The following CSMD1 variants were observed in gnomAD, a reference collection of about 807,000 sequenced individuals.
CSMD1 encodes the protein CUB and Sushi multiple domains 1.
Under a neutral mutation model 417.5 loss-of-function variants are expected in CSMD1, and 213 were observed. The observed-to-expected ratio is 0.51, with a 90% CI of 0.46 to 0.57. The LOEUF (loss-of-function observed/expected upper bound fraction) is 0.57, where lower values mean the gene tolerates loss of function less well. CSMD1 is among the 20% of genes least tolerant of loss of function. The pLI, the probability that CSMD1 is intolerant of heterozygous loss-of-function variation, is 0.00. For synonymous variants in CSMD1, 2,862 were observed against 1,736.8 expected (o/e 1.65, Z -16.11); for missense variants, 6,923 against 4,529.7 (o/e 1.53, Z -15.17).
chr8:3,549,968 T>A (rs1421176127), intron 10 of CSMD1, among the ~76,000 whole-genome samples: 1 of 152,344 alleles, frequency 6.6e-6, no homozygotes, highest in Non-Finnish European at 1.5e-5. Context: ...ATCTTGGATC[T>A]AGACATAAAG....
rs571364947 is a variant in CSMD1, at chr8:4,931,888, G to T, written c.85+62444C>A. Among the ~76,000 whole-genome samples, 17 of 152,246 alleles carry T rather than the reference G, an allele frequency of 1.1e-4. No individual in the cohort carries two copies. In the East Asian group the frequency reaches 2.9e-3, roughly 26 times the overall value. On this transcript the variant is annotated intron_variant, in intron 1 of 69. Transcript: ENST00000635120. ...TTCAAAGTTTATTGATTGTTATATGGAGATATGTACTTTAGAAATGTCCCT... is the reference window on the plus strand; with the variant it reads ...TTCAAAGTTTATTGATTGTTATATGTAGATATGTACTTTAGAAATGTCCCT...
intron 5 of CSMD1, among the ~76,000 whole-genome samples, chr8:3,786,886 A>G (rs913270906): frequency 6.6e-6 from 1 of 152,106 alleles, no homozygotes; most frequent in Admixed American, 6.5e-5. Context: ...TCCTGACCTA[A>G]AAGCCCCACC....
At chr8:3,238,065 G>A (rs1308462638) in intron 26 of CSMD1, among the ~76,000 whole-genome samples, 2 of 151,958 alleles carry the variant, frequency 1.3e-5, no homozygotes, top group African/African-American at 2.4e-5. Context: ...TCACCTGGGT[G>A]CAGACGGGCT....
intron 5 of CSMD1, among the ~76,000 whole-genome samples, chr8:3,883,451 C>A (rs1478619117): frequency 6.6e-6 from 1 of 152,012 alleles, no homozygotes. Flanking sequence ...TATATGTATG[C>A]TCGTGTATAA....
At chr8:4,253,818 C>G (rs1190891357) in intron 3 of CSMD1, among the ~76,000 whole-genome samples, 1 of 150,928 alleles carries the variant, frequency 6.6e-6, no homozygotes, top group African/African-American at 2.4e-5. Context: ...ATAATCAACA[C>G]CATTATTATC....
chr8:2,966,753 G>C lies in CSMD1; in HGVS notation c.8924-7C>G. On this transcript the variant is annotated splice_region_variant and splice_polypyrimidine_tract_variant and intron_variant, in intron 57 of 69. Coordinates refer to ENST00000635120, the MANE Select transcript of CSMD1 (RefSeq NM_033225.6). ...GGGTTGCCACAGGACACGGCTGTTA[G>C]GCAAACAAGAACACCACCACACACA... 1 of 1,612,078 alleles carries C rather than the reference G, an allele frequency of 6.2e-7. No homozygotes were observed.
intron 2 of CSMD1, among the ~76,000 whole-genome samples, chr8:4,427,092 G>A (rs4875342): frequency 6.6e-6 from 1 of 151,944 alleles, no homozygotes; most frequent in African/African-American, 2.4e-5. Context: ...AGGTGGCTGT[G>A]GCTCCTGGGA....
At chr8:3,010,441 G>A (rs934860659) in intron 52 of CSMD1, among the ~76,000 whole-genome samples, 8 of 152,170 alleles carry the variant, frequency 5.3e-5, no homozygotes, top group Non-Finnish European at 1.0e-4. Flanking sequence ...CCACCATCTC[G>A]TGGCCCTATC....
chr8:4,899,443 T>C (rs955155360), intron 1 of CSMD1, among the ~76,000 whole-genome samples: 3 of 152,178 alleles, frequency 2.0e-5, no homozygotes, highest in Non-Finnish European at 4.4e-5. Flanking sequence ...AATTGAGAAT[T>C]AAATGTAGAT....
chr8:4,001,624 T>G (rs1815679762), intron 4 of CSMD1, among the ~76,000 whole-genome samples: 1 of 152,146 alleles, frequency 6.6e-6, no homozygotes, highest in African/African-American at 2.4e-5. Context: ...TGTCTAATAT[T>G]TGAGTCCCCT....
intron 37 of CSMD1, among the ~76,000 whole-genome samples, chr8:3,178,375 A>G (rs150361185): frequency 2.0e-5 from 3 of 152,098 alleles, no homozygotes; most frequent in African/African-American, 4.8e-5. Context: ...CTTGATCCTC[A>G]GTATGGACTC....
intron 3 of CSMD1, among the ~76,000 whole-genome samples, chr8:4,042,734 A>C (rs1797953463): frequency 6.6e-6 from 1 of 150,560 alleles, no homozygotes; most frequent in African/African-American, 2.4e-5. Flanking sequence ...AATGACAGCA[A>C]TACCACAGAG....
chr8:3,902,612 G>A (rs112536061), intron 5 of CSMD1, among the ~76,000 whole-genome samples: 40 of 152,050 alleles, frequency 2.6e-4, no homozygotes, highest in African/African-American at 7.5e-4. Flanking sequence ...TAATGTCGCC[G>A]CCGATCTGAG....
At chr8:3,643,625 C>T (rs924677853) in intron 7 of CSMD1, among the ~76,000 whole-genome samples, 5 of 145,182 alleles carry the variant, frequency 3.4e-5, no homozygotes, top group Non-Finnish European at 7.4e-5. Flanking sequence ...GGCGTGAACC[C>T]GGGAGGTGGA....
chr8:4,506,984 T>C (rs557324483), intron 2 of CSMD1, among the ~76,000 whole-genome samples: 3 of 152,290 alleles, frequency 2.0e-5, no homozygotes, highest in African/African-American at 7.2e-5. Flanking sequence ...CAAAATTGAA[T>C]CGGTGAAGGA....
At chr8:4,097,137 G>A (rs1219075488) in intron 3 of CSMD1, among the ~76,000 whole-genome samples, 2 of 152,088 alleles carry the variant, frequency 1.3e-5, no homozygotes. Flanking sequence ...GCTGCAACGA[G>A]CTGTTCATTT....
intron 10 of CSMD1, among the ~76,000 whole-genome samples, chr8:3,553,460 A>G (rs898242669): frequency 6.6e-6 from 1 of 152,182 alleles, no homozygotes; most frequent in Admixed American, 6.5e-5. Context: ...CTTCCCTACT[A>G]TGAAAAAAAT....
At chr8:3,349,770 G>T (rs975562945) in intron 21 of CSMD1, among the ~76,000 whole-genome samples, 1 of 139,126 alleles carries the variant, frequency 7.2e-6, no homozygotes, top group Non-Finnish European at 1.5e-5. Context: ...CTATAAAATA[G>T]ATATAAGTCT....
At chr8:3,345,841 G>T (rs952430651) in intron 22 of CSMD1, among the ~76,000 whole-genome samples, 1 of 152,188 alleles carries the variant, frequency 6.6e-6, no homozygotes, top group Non-Finnish European at 1.5e-5. Flanking sequence ...CAGTTTTACA[G>T]AAACTATACC....
Sources: gnomAD v4.1 joint callset for allele counts (sites outside exome capture counted in the v4.1 genomes callset) on GRCh38, gnomAD v4.1.1 for gene constraint, MANE v1.5 for transcripts, NCBI Gene and HGNC (gene_info 2026-07-23, HGNC 2026-07-21) for gene names.